CRISP1: variants seen among roughly 807,000 people sequenced by gnomAD.
CRISP1 encodes the protein cysteine-rich secretory protein 1.
A neutral mutation model predicts 33.1 loss-of-function variants in CRISP1; 44 were observed. The ratio of observed to expected loss-of-function variants is 1.33; its 90% CI spans 1.05 to 1.71. The LOEUF is 1.71. CRISP1 is among the 40% of genes most tolerant of loss of function. The pLI, the probability that CRISP1 is intolerant of heterozygous loss-of-function variation, is 0.00. For missense variants in CRISP1, 390 were observed against 301.2 expected (o/e 1.29, Z -2.18); for synonymous variants, 103 against 98.7 (o/e 1.04, Z -0.26).
Position 49,851,382 on chromosome 6 carries a change from C to T in CRISP1, c.195+619G>A, listed in dbSNP as rs183093253. On this transcript the variant is annotated intron_variant, in intron 3 of 7. Transcript: ENST00000335847. ...GTAATCACCTAAACACCTGAGACTT[C>T]CCTAAATTTGTCTTGTAGCAGAGCA... 4.6e-3 allele frequency among the ~76,000 whole-genome samples: 697 copies of T among 152,212 alleles called. 6 individuals carry two copies. The highest frequency in any genetic ancestry group is 0.016 in the African/African-American group (658 of 41,558).
intron 6 of CRISP1, among the ~76,000 whole-genome samples, chr6:49,839,601 G>A (rs1040827116): frequency 3.3e-5 from 5 of 152,160 alleles, no homozygotes; most frequent in African/African-American, 1.2e-4. Context: ...TATCTGAGCT[G>A]CTAAAATTTC....
intron 2 of CRISP1, among the ~76,000 whole-genome samples, chr6:49,855,785 A>G (rs1231916419): frequency 2.0e-5 from 3 of 152,178 alleles, no homozygotes; most frequent in African/African-American, 7.2e-5. Flanking sequence ...AGTTTAAAAT[A>G]TGATTCAGGT....
chr6:49,843,157 T>G (rs1771047654), intron 5 of CRISP1, among the ~76,000 whole-genome samples: 1 of 152,166 alleles, frequency 6.6e-6, no homozygotes, highest in Non-Finnish European at 1.5e-5. Context: ...AGGCCACAAA[T>G]TTCTTAGATT....
At chr6:49,868,833 A>C (rs73425895), upstream of CRISP1, among the ~76,000 whole-genome samples, 5,766 of 152,210 alleles carry the variant, frequency 0.038, 374 homozygotes, top group African/African-American at 0.13. Context: ...TCAGAAACTC[A>C]GGCCAAAAAG....
Position 49,835,455 on chromosome 6 carries a change from T to C in CRISP1, c.623-12A>G, listed in dbSNP as rs1381515989. On this transcript the variant is annotated splice_polypyrimidine_tract_variant and intron_variant, in intron 7 of 7. Coordinates refer to ENST00000335847, the MANE Select transcript of CRISP1 (RefSeq NM_001131.3). Reference sequence around the variant, plus strand: ...GATGCAGGGGTTAGCTGAAAGAAAATAGTATGGTTTTACAACACAGTCTTT... The same window carrying C: ...GATGCAGGGGTTAGCTGAAAGAAAACAGTATGGTTTTACAACACAGTCTTT... 2.5e-6 allele frequency: 4 copies of C among 1,612,012 alleles called. No homozygotes were observed. The highest frequency in any genetic ancestry group is 2.2e-5 in the East Asian group (1 of 44,756).
intron 6 of CRISP1, 62 bp from the exon 7 acceptor site, chr6:49,838,587 T>TGTGAAGTA: frequency 7.7e-7 from 1 of 1,292,726 alleles, no homozygotes; most frequent in Admixed American, 1.9e-5. Flanking sequence ...AAAACTTTAC[T>TGTGAAGTA]CACAGTGTAC....
chr6:49,875,873 T>C (rs2127480700), intron 1 of CRISP1, among the ~76,000 whole-genome samples: 1 of 152,224 alleles, frequency 6.6e-6, no homozygotes, highest in Admixed American at 6.5e-5. Context: ...GATCCTTTCC[T>C]TACACCTTAT....
chr6:49,863,719 G>A (rs1771718642), intron 1 of CRISP1, among the ~76,000 whole-genome samples: 1 of 152,178 alleles, frequency 6.6e-6, no homozygotes, highest in African/African-American at 2.4e-5. Context: ...CATGCCCTGG[G>A]GAATGCACTC....
chr6:49,866,800 A>C (rs1771809607), upstream of CRISP1, among the ~76,000 whole-genome samples: 1 of 152,150 alleles, frequency 6.6e-6, no homozygotes, highest in African/African-American at 2.4e-5. Context: ...TGTAAGGGAA[A>C]ATGACTTGCT....
In CRISP1 at chr6:49,851,992, T is replaced by G. The variant is rs1191679287; in HGVS notation, c.195+9A>C. On this transcript the variant is annotated intron_variant, in intron 3 of 7. Coordinates refer to ENST00000335847, the MANE Select transcript of CRISP1 (RefSeq NM_001131.3). ...TGCAATCATGGTTGTTGCTATTTTTTGATCTTACCATCTTCAGCATGTTGC... is the reference window on the plus strand; with the variant it reads ...TGCAATCATGGTTGTTGCTATTTTTGGATCTTACCATCTTCAGCATGTTGC... 2 of 1,601,148 alleles carry G rather than the reference T, an allele frequency of 1.2e-6. No homozygotes were observed. The highest frequency in any genetic ancestry group is 2.7e-5 in the African/African-American group (2 of 74,056).
intron 1 of CRISP1, among the ~76,000 whole-genome samples, chr6:49,876,162 C>G (rs1167346058): frequency 6.6e-6 from 1 of 151,980 alleles, no homozygotes; most frequent in African/African-American, 2.4e-5. Flanking sequence ...GGTCTAATAT[C>G]AAGAGAGTAC....
At chr6:49,869,404 G>A (rs1771872493), upstream of CRISP1, among the ~76,000 whole-genome samples, 1 of 152,046 alleles carries the variant, frequency 6.6e-6, no homozygotes, top group Non-Finnish European at 1.5e-5. Context: ...TGCCTTTTAT[G>A]ACATAGAGTG....
intron 1 of CRISP1, among the ~76,000 whole-genome samples, chr6:49,874,854 C>T (rs916185420): frequency 4.6e-5 from 7 of 151,842 alleles, no homozygotes; most frequent in Admixed American, 1.3e-4. Flanking sequence ...TAAAGAAAAC[C>T]ACATCCCATT....
intron 5 of CRISP1, 61 bp from the exon 6 acceptor site, chr6:49,841,056 C>A (rs1770971770): frequency 1.5e-6 from 2 of 1,337,402 alleles, no homozygotes; most frequent in Non-Finnish European, 2.1e-6. Flanking sequence ...ACTATAATAT[C>A]CATATTGTCA....
chr6:49,870,073 T>C (rs1418346891), upstream of CRISP1, among the ~76,000 whole-genome samples: 2 of 152,274 alleles, frequency 1.3e-5, no homozygotes, highest in South Asian at 4.1e-4. Context: ...TTTTTGTACA[T>C]TACCCAGTCT....
chr6:49,841,045 G>A (rs1437390142), intron 5 of CRISP1, 50 bp from the exon 6 acceptor site: 1 of 1,427,986 alleles, frequency 7.0e-7, no homozygotes, highest in Non-Finnish European at 9.8e-7. Context: ...TTTACTAAAT[G>A]ACTATAATAT....
rs1263716105 is a variant in CRISP1 at position 49,834,281 on chromosome 6, A to G, written c.*1035T>C. ...CTTTTTTTTTTTTTTCAAACACTTT[A>G]TTGAAATGAGTAAAGAAATATACAA... On this transcript the variant is annotated 3_prime_UTR_variant, in exon 8 of 8. Coordinates refer to ENST00000335847, the MANE Select transcript of CRISP1 (RefSeq NM_001131.3). The G allele has an allele frequency of 6.9e-6, 1 of 145,280 alleles. No individual in the cohort carries two copies. Among genetic ancestry groups the G allele is most frequent in the African/African-American group, 2.5e-5 (1 of 39,540 alleles). The allele number at this position is 145,280 out of a possible 1,614,324, so 9.0% of individuals were successfully genotyped here.
chr6:49,871,350 C>T (rs143856368), upstream of CRISP1, among the ~76,000 whole-genome samples: 1 of 152,130 alleles, frequency 6.6e-6, no homozygotes, highest in African/African-American at 2.4e-5. Context: ...GTAATGAGGA[C>T]AAAGTGATGG....
Position 49,847,114 on chromosome 6 carries a change from C to G in CRISP1, c.287-446G>C, listed in dbSNP as rs559381891. Among the ~76,000 whole-genome samples the G allele has an allele frequency of 3.9e-5, 6 of 152,192 alleles. No homozygotes were observed. In the East Asian group the frequency reaches 1.2e-3, roughly 29 times the overall value. On this transcript the variant is annotated intron_variant, in intron 4 of 7. Coordinates refer to ENST00000335847, the MANE Select transcript of CRISP1 (RefSeq NM_001131.3). ...GAACATGGTATTCAGGAGTATCTGT[C>G]TTTTCTTAAGGCAGGCAGGAACCAC...
Sources: allele counts gnomAD v4.1 joint callset (sites outside exome capture counted in the v4.1 genomes callset), GRCh38; gene constraint gnomAD v4.1.1; transcripts MANE v1.5; gene names NCBI Gene and HGNC (gene_info 2026-07-23, HGNC 2026-07-21).